TMEM117: variants seen among roughly 807,000 people sequenced by gnomAD.
The protein encoded by TMEM117 is transmembrane protein 117.
TMEM117 carries 27 observed loss-of-function variants against 52.4 expected under a neutral mutation model. The ratio of observed to expected loss-of-function variants is 0.51; its 90% CI spans 0.38 to 0.71. The LOEUF (loss-of-function observed/expected upper bound fraction) is 0.71, where lower values mean the gene tolerates loss of function less well. Ranked by LOEUF, TMEM117 falls within the 30% of genes least tolerant of loss-of-function variation. The pLI is 0.00. For synonymous variants in TMEM117, 215 were observed against 206.3 expected, an observed-to-expected ratio of 1.04 and a Z score of -0.36; for missense variants, 556 against 630.5, an observed-to-expected ratio of 0.88 and a Z score of 1.26.
intron 3 of TMEM117, among the ~76,000 whole-genome samples, chr12:44,020,764 C>T (rs532526976): frequency 6.6e-6 from 1 of 152,032 alleles, no homozygotes; most frequent in African/African-American, 2.4e-5. Flanking sequence ...GCAGCCAGAA[C>T]TCAGCCCACA....
chr12:44,311,851 A>G (rs1726882), intron 6 of TMEM117, among the ~76,000 whole-genome samples: 8 of 120,046 alleles, frequency 6.7e-5, no homozygotes, highest in African/African-American at 3.1e-4. Flanking sequence ...ATATATATGT[A>G]TATATGTATA....
At chr12:44,387,870 C>T (rs1952111238) in intron 7 of TMEM117, among the ~76,000 whole-genome samples, 156 bp from the exon 8 acceptor site, 2 of 152,104 alleles carry the variant, frequency 1.3e-5, no homozygotes, top group Admixed American at 1.3e-4. Flanking sequence ...TGCCAATTCA[C>T]TTAATGGCAG....
intron 3 of TMEM117, among the ~76,000 whole-genome samples, chr12:44,071,279 A>C (rs564785902): frequency 6.6e-5 from 10 of 152,242 alleles, no homozygotes; most frequent in Admixed American, 3.9e-4. Context: ...TGCTCTTCAG[A>C]TCCATCTTAT....
Position 44,271,829 on chromosome 12 carries a change from C to T in TMEM117, c.609-27751C>T, listed in dbSNP as rs188231177. Among the ~76,000 whole-genome samples the T allele has an allele frequency of 8.9e-4, 135 of 151,830 alleles. 1 individual carries two copies. In the East Asian group the frequency reaches 0.012, roughly 13 times the overall value. On this transcript the variant is annotated intron_variant, in intron 5 of 7. Transcript: ENST00000266534. ...TAGAATGAGGGAATATATTTCCAAA[C>T]GGTATATATGATAAGGGGTTAATAT...
chr12:43,883,236 G>A (rs910270464), intron 2 of TMEM117, among the ~76,000 whole-genome samples: 6 of 152,160 alleles, frequency 3.9e-5, no homozygotes, highest in African/African-American at 1.4e-4. Context: ...CTCAAGAAGT[G>A]ATTTTAGTTA....
At chr12:44,025,851 C>T (rs1201629401) in intron 3 of TMEM117, among the ~76,000 whole-genome samples, 3 of 152,114 alleles carry the variant, frequency 2.0e-5, no homozygotes, top group South Asian at 2.1e-4. Flanking sequence ...AGCTACAATT[C>T]TTGACGAAGA....
At chr12:44,108,420 T>C (rs1948002351) in intron 3 of TMEM117, among the ~76,000 whole-genome samples, 1 of 100,562 alleles carries the variant, frequency 9.9e-6, no homozygotes, top group South Asian at 4.3e-4. Context: ...GTGATCTCAT[T>C]GTTCAATTCC....
intron 7 of TMEM117, among the ~76,000 whole-genome samples, chr12:44,385,412 CT>C (rs1952075088): frequency 6.6e-6 from 1 of 152,114 alleles, no homozygotes; most frequent in East Asian, 1.9e-4. Context: ...TGGAAAAGTT[CT>C]TTGGGAGAAA....
chr12:44,388,748 A>T lies in TMEM117; in HGVS notation c.*76A>T. ...TTAAAAATTTAGTCTTTCCTTTTGTATATGTAAGGTTTACGTAGTGTTAGG... is the reference window on the plus strand; with the variant it reads ...TTAAAAATTTAGTCTTTCCTTTTGTTTATGTAAGGTTTACGTAGTGTTAGG... On this transcript the variant is annotated 3_prime_UTR_variant, in exon 8 of 8. Transcript: ENST00000266534. The T allele has an allele frequency of 6.6e-7, 1 of 1,511,046 alleles. No individual in the cohort carries two copies. The highest frequency in any genetic ancestry group is 9.0e-7 in the Non-Finnish European group (1 of 1,116,014). The allele number at this position is 1,511,046 out of a possible 1,614,324, so 93.6% of individuals were successfully genotyped here.
intron 3 of TMEM117, among the ~76,000 whole-genome samples, chr12:43,993,307 A>G (rs1192744354): frequency 1.3e-5 from 2 of 152,226 alleles, no homozygotes; most frequent in Non-Finnish European, 1.5e-5. Flanking sequence ...AGAATTTTAT[A>G]GTATGAAATG....
intron 4 of TMEM117, among the ~76,000 whole-genome samples, chr12:44,174,271 A>G (rs1426034507): frequency 6.6e-6 from 1 of 152,150 alleles, no homozygotes. Context: ...TTTTTTGTAA[A>G]TAAAGTTTAC....
intron 6 of TMEM117, among the ~76,000 whole-genome samples, chr12:44,311,884 T>C (rs1393424869): frequency 7.9e-6 from 1 of 125,844 alleles, no homozygotes; most frequent in Non-Finnish European, 1.6e-5. Context: ...TATGTATATA[T>C]GTATATATAT....
chr12:43,839,942 C>T (rs1160455498), intron 1 of TMEM117, among the ~76,000 whole-genome samples: 1 of 152,240 alleles, frequency 6.6e-6, no homozygotes, highest in Non-Finnish European at 1.5e-5. Context: ...CTTTGTTGGA[C>T]TGGCTCCAAA....
At chr12:43,980,973 G>A (rs1284728716) in intron 3 of TMEM117, among the ~76,000 whole-genome samples, 1 of 152,136 alleles carries the variant, frequency 6.6e-6, no homozygotes, top group Non-Finnish European at 1.5e-5. Context: ...GGAGACAGGA[G>A]TAAACAAATT....
chr12:43,867,343 G>A (rs1050206148), intron 2 of TMEM117, among the ~76,000 whole-genome samples: 4 of 152,042 alleles, frequency 2.6e-5, no homozygotes, highest in South Asian at 2.1e-4. Flanking sequence ...AAGAGGATAC[G>A]TAAGAAACCT....
chr12:44,390,851 C>A (rs536608316), downstream of TMEM117, among the ~76,000 whole-genome samples: 1 of 151,908 alleles, frequency 6.6e-6, no homozygotes, highest in Non-Finnish European at 1.5e-5. Flanking sequence ...AGTAAAGATA[C>A]TAAAATGAAA....
In TMEM117 at chr12:44,338,479, T is replaced by TAC. The variant is rs780102162; in HGVS notation, c.769-38105_769-38104dup. On this transcript the variant is annotated intron_variant, in intron 6 of 7. Coordinates refer to ENST00000266534, the MANE Select transcript of TMEM117 (RefSeq NM_032256.3). The stretch of plus-strand genomic sequence containing the variant: ...AATCCTTTACACACACATACGCACA[T>TAC]ACACACACACACGAAAAAGATGGTG... 7.9e-5 allele frequency among the ~76,000 whole-genome samples: 12 copies of TAC among 151,700 alleles called. 1 individual carries two copies. Among genetic ancestry groups the TAC allele is most frequent in the Middle Eastern group, 6.8e-3 (2 of 294 alleles).
intron 2 of TMEM117, among the ~76,000 whole-genome samples, chr12:43,904,780 C>T (rs1219112570): frequency 6.6e-6 from 1 of 152,230 alleles, no homozygotes; most frequent in African/African-American, 2.4e-5. Flanking sequence ...TTATACCAAG[C>T]AGTTTAGTCC....
intron 6 of TMEM117, among the ~76,000 whole-genome samples, chr12:44,306,397 GATAT>G (rs959841546): frequency 1.3e-5 from 2 of 151,972 alleles, no homozygotes; most frequent in African/African-American, 2.4e-5. Context: ...TATATACATA[GATAT>G]ATATGTGCAG....
Sources: allele counts gnomAD v4.1 joint callset (sites outside exome capture counted in the v4.1 genomes callset), GRCh38; gene constraint gnomAD v4.1.1; transcripts MANE v1.5; gene names NCBI Gene and HGNC (gene_info 2026-07-23, HGNC 2026-07-21).